Variants in ADCYAP1R1 observed in about 807,000 individuals in gnomAD.
The protein encoded by ADCYAP1R1 is pituitary adenylate cyclase-activating polypeptide type I receptor.
ADCYAP1R1 carries 44 observed loss-of-function variants against 67.6 expected under a neutral mutation model. The observed-to-expected ratio is 0.65, with a 90% CI of 0.51 to 0.84. The LOEUF is 0.84. Among genes scored for constraint, ADCYAP1R1 ranks in the 40% least tolerant of loss-of-function variants. The pLI is 0.00. For missense variants in ADCYAP1R1, 477 were observed against 587.9 expected, an observed-to-expected ratio of 0.81 and a Z score of 1.95; for synonymous variants, 222 against 219.6, an observed-to-expected ratio of 1.01 and a Z score of -0.10.
chr7:31,053,362 G>T (rs551984179), intron 1 of ADCYAP1R1, among the ~76,000 whole-genome samples: 7 of 152,366 alleles, frequency 4.6e-5, no homozygotes, highest in African/African-American at 1.7e-4. Flanking sequence ...AAACGCACCG[G>T]CCTTCCCAGG....
rs946270686 is a variant in ADCYAP1R1, at chr7:31,106,099, C to T, written c.1219-397C>T. ...GGGCATCTGGAATTTTTAAAGCCCC[C>T]CAGGTAATTCTAATGTGTAGCCCAC... On this transcript the variant is annotated intron_variant, in intron 15 of 15. Transcript: ENST00000304166. Among the ~76,000 whole-genome samples, 80 of 152,300 alleles carry T rather than the reference C, an allele frequency of 5.3e-4. 1 individual carries two copies. The highest frequency in any genetic ancestry group is 1.7e-3 in the African/African-American group (72 of 41,568).
At position 31,103,243 on chromosome 7, in the gene ADCYAP1R1, G is replaced by T; in HGVS notation, c.1053G>T (p.Leu351=). 1.9e-6 allele frequency: 3 copies of T among 1,613,990 alleles called. No homozygotes were observed. The highest frequency in any genetic ancestry group is 2.5e-6 in the Non-Finnish European group (3 of 1,179,944). Residue 351 remains leucine, a synonymous_variant, in exon 14 of 16, where the codon CTG becomes CTT. Transcript: ENST00000304166. ...TTTTGCTTTCCTCCGACAGGCGACTGGCCCGGTCCACCCTGCTGCTCATCC... is the reference window on the plus strand; with the variant it reads ...TTTTGCTTTCCTCCGACAGGCGACTTGCCCGGTCCACCCTGCTGCTCATCC... ...GGNESSIYLR[L]ARSTLLLIPL... is the part of the protein sequence containing the mutation.
Position 31,070,182 on chromosome 7 carries a change from G to C in ADCYAP1R1, c.157+5246G>C, listed in dbSNP as rs560623658. ...TGTACCTGGGAATTGGCATCTCCAGGCCACACAGCCCCCAGGCTCCGTTCC... is the reference window on the plus strand; with the variant it reads ...TGTACCTGGGAATTGGCATCTCCAGCCCACACAGCCCCCAGGCTCCGTTCC... On this transcript the variant is annotated intron_variant, in intron 3 of 15. Transcript: ENST00000304166. Among the ~76,000 whole-genome samples, 3 of 152,216 alleles carry C rather than the reference G, an allele frequency of 2.0e-5. No individual in the cohort carries two copies. In the East Asian group the frequency reaches 5.8e-4, roughly 29 times the overall value.
rs1422908188 is a variant in ADCYAP1R1 at position 31,110,117 on chromosome 7, A to C, written c.*3433A>C. ...TCACTCTTTGTGGAAGGGAAAGCTCAAAGGGACTCTCTCTCTCTCTCTCTT... is the reference window on the plus strand; with the variant it reads ...TCACTCTTTGTGGAAGGGAAAGCTCCAAGGGACTCTCTCTCTCTCTCTCTT... On this transcript the variant is annotated 3_prime_UTR_variant, in exon 16 of 16. Coordinates refer to ENST00000304166, the MANE Select transcript of ADCYAP1R1 (RefSeq NM_001118.5). 6.7e-6 allele frequency: 1 copy of C among 149,026 alleles called. No homozygotes were observed. Among genetic ancestry groups the C allele is most frequent in the South Asian group, 2.1e-4 (1 of 4,712 alleles). 9.2% of individuals were successfully genotyped at this position (149,026 alleles called of 1,614,324 possible).
At chr7:31,104,999 G>A (rs1796583390) in intron 15 of ADCYAP1R1, 90 bp downstream of exon 15, 1 of 1,331,890 alleles carries the variant, frequency 7.5e-7, no homozygotes, top group Admixed American at 1.7e-5. Context: ...ACATGGGACT[G>A]ACTCTTCAGA....
chr7:31,063,634 T>A lies in ADCYAP1R1; in HGVS notation c.51+319T>A, dbSNP rs907175457. Reference sequence around the variant, plus strand: ...GCTGCAGAAGCCTCTTTCAATTTTCTCGTCACCAGCCCACAATGCCCTGCC... The same window carrying A: ...GCTGCAGAAGCCTCTTTCAATTTTCACGTCACCAGCCCACAATGCCCTGCC... On this transcript the variant is annotated intron_variant, in intron 2 of 15. Transcript: ENST00000304166. 4.9e-4 allele frequency among the ~76,000 whole-genome samples: 74 copies of A among 152,188 alleles called. 2 individuals carry two copies. The highest frequency in any genetic ancestry group is 5.2e-4 in the Admixed American group (8 of 15,280).
chr7:31,103,769 C>T (rs762328212), intron 14 of ADCYAP1R1, among the ~76,000 whole-genome samples: 7 of 152,062 alleles, frequency 4.6e-5, no homozygotes, highest in Non-Finnish European at 1.0e-4. Context: ...CACAGAGAGC[C>T]CAGTGAGCTG....
At chr7:31,079,307 G>T (rs1414566801) in intron 4 of ADCYAP1R1, among the ~76,000 whole-genome samples, 2 of 152,176 alleles carry the variant, frequency 1.3e-5, no homozygotes, top group Admixed American at 1.3e-4. Flanking sequence ...ACTGAGTTGG[G>T]GCTGGGCAGG....
chr7:31,073,897 G>A (rs762517726), intron 3 of ADCYAP1R1, among the ~76,000 whole-genome samples: 4 of 152,130 alleles, frequency 2.6e-5, no homozygotes, highest in Non-Finnish European at 4.4e-5. Flanking sequence ...GGTACTATAC[G>A]AATTGTCTTT....
intron 3 of ADCYAP1R1, among the ~76,000 whole-genome samples, chr7:31,073,305 G>A (rs534534553): frequency 4.6e-5 from 7 of 152,022 alleles, no homozygotes; most frequent in Non-Finnish European, 8.8e-5. Context: ...TGTCTGACTC[G>A]GTATGTCTTG....
intron 3 of ADCYAP1R1, 92 bp downstream of exon 3, chr7:31,065,028 G>T (rs977150165): frequency 1.8e-5 from 17 of 948,894 alleles, no homozygotes; most frequent in Non-Finnish European, 2.7e-5. Flanking sequence ...AGTGGTCAAG[G>T]TATGGGTTTC....
chr7:31,058,205 C>T (rs1347813947), intron 1 of ADCYAP1R1, among the ~76,000 whole-genome samples: 1 of 152,222 alleles, frequency 6.6e-6, no homozygotes, highest in African/African-American at 2.4e-5. Flanking sequence ...AGCAGAAGGG[C>T]TCTGCCAGGC....
chr7:31,088,906 G>C (rs1795856475), intron 12 of ADCYAP1R1, among the ~76,000 whole-genome samples: 1 of 152,148 alleles, frequency 6.6e-6, no homozygotes, highest in South Asian at 2.1e-4. Flanking sequence ...GTTAAGATTT[G>C]TGTAGGAATT....
At position 31,102,103 on chromosome 7, in the gene ADCYAP1R1, A is replaced by G. The variant is rs1307222465; in HGVS notation, c.1047-1134A>G. Reference sequence around the variant, plus strand: ...GCTTCTCTAGAGATCTGGAGCTCCCATGTTCAACAGAACATTCTCTCCCAG... The same window carrying G: ...GCTTCTCTAGAGATCTGGAGCTCCCGTGTTCAACAGAACATTCTCTCCCAG... On this transcript the variant is annotated intron_variant, in intron 13 of 15. Transcript: ENST00000304166. The surrounding 1 kb of genome is among the most constrained non-coding windows in gnomAD (Gnocchi z 4.3). Among the ~76,000 whole-genome samples the G allele has an allele frequency of 6.6e-6, 1 of 152,218 alleles. No individual in the cohort carries two copies. The highest frequency in any genetic ancestry group is 2.4e-5 in the African/African-American group (1 of 41,458).
At chr7:31,058,010 AG>A (rs1407172044) in intron 1 of ADCYAP1R1, among the ~76,000 whole-genome samples, 1 of 152,186 alleles carries the variant, frequency 6.6e-6, no homozygotes, top group East Asian at 1.9e-4. Flanking sequence ...TGTGGCCCAA[AG>A]AAGAGGTGGG....
chr7:31,063,561 T>C (rs1407879203), intron 2 of ADCYAP1R1, among the ~76,000 whole-genome samples: 1 of 141,576 alleles, frequency 7.1e-6, no homozygotes, highest in African/African-American at 2.9e-5. Flanking sequence ...ACCTTTAGAG[T>C]TGCACAGTAC....
intron 3 of ADCYAP1R1, among the ~76,000 whole-genome samples, chr7:31,071,508 A>G (rs184791997): frequency 4.8e-4 from 73 of 152,296 alleles, no homozygotes; most frequent in African/African-American, 1.8e-3. Flanking sequence ...CAACCTCTGG[A>G]GGACGAAGGG....
intron 13 of ADCYAP1R1, among the ~76,000 whole-genome samples, chr7:31,093,176 C>T (rs1214700434): frequency 6.6e-6 from 1 of 152,166 alleles, no homozygotes; most frequent in Non-Finnish European, 1.5e-5. Flanking sequence ...TTCCCACTAG[C>T]GAGTCAGGCG....
chr7:31,098,700 G>A (rs1796306012), intron 13 of ADCYAP1R1, among the ~76,000 whole-genome samples: 1 of 77,820 alleles, frequency 1.3e-5, no homozygotes, highest in Non-Finnish European at 2.4e-5. Context: ...AGATGCAGCG[G>A]GGCGGGGGGG....
Sources: gnomAD v4.1 joint callset for allele counts (sites outside exome capture counted in the v4.1 genomes callset) on GRCh38, gnomAD v4.1.1 for gene constraint, Gnocchi (gnomAD v3.1) non-coding constraint, MANE v1.5 for transcripts, NCBI Gene and HGNC (gene_info 2026-07-23, HGNC 2026-07-21) for gene names.